ARHGEF10: variants seen among roughly 807,000 people sequenced by gnomAD.
The protein encoded by ARHGEF10 is Rho guanine nucleotide exchange factor 10.
A neutral mutation model predicts 147.4 loss-of-function variants in ARHGEF10; 140 were observed. The observed-to-expected ratio is 0.95, with a 90% CI of 0.83 to 1.09. The LOEUF (loss-of-function observed/expected upper bound fraction) is 1.09, where lower values mean the gene tolerates loss of function less well. ARHGEF10 is among the 50% of genes least tolerant of loss of function. ARHGEF10 has a pLI of 0.00. For missense variants in ARHGEF10, 2,222 were observed against 1,752.7 expected, an observed-to-expected ratio of 1.27 and a Z score of -4.78; for synonymous variants, 902 against 695.8, an observed-to-expected ratio of 1.30 and a Z score of -4.67.
chr8:1,930,717 T>A (rs577933573), intron 25 of ARHGEF10, among the ~76,000 whole-genome samples: 38 of 152,346 alleles, frequency 2.5e-4, no homozygotes, highest in Admixed American at 2.5e-3. Context: ...CACCTCCTCC[T>A]TGGGGAGGCT....
Position 1,896,361 on chromosome 8 carries a change from A to G in ARHGEF10, c.1469A>G (p.Tyr490Cys). ...TCTAAGTCCATGGTGCTGGATGCAT[A>G]CAGTGAATATGTGAACAATTTCAGC... Reference protein sequence around the residue: ...SFSKSMVLDAYSEYVNNFSTA... With the variant: ...SFSKSMVLDACSEYVNNFSTA... The change falls in exon 14 of 29, where the codon TAC (tyrosine) becomes TGC (cysteine). Residue 490 changes from tyrosine to cysteine, a missense_variant. By Grantham distance (194) the Tyr-to-Cys change is radical (BLOSUM62 -2). Transcript: ENST00000349830. The G allele has an allele frequency of 6.2e-7, 1 of 1,614,024 alleles. No individual in the cohort carries two copies. Among genetic ancestry groups the G allele is most frequent in the Non-Finnish European group, 8.5e-7 (1 of 1,179,970 alleles).
chr8:1,935,832 G>A (rs773885727), intron 26 of ARHGEF10, among the ~76,000 whole-genome samples: 12 of 152,250 alleles, frequency 7.9e-5, no homozygotes, highest in Non-Finnish European at 1.5e-4. Context: ...GGCAGCGGGA[G>A]GAGGCCCAAA....
At chr8:1,862,452 C>T (rs1806210377) in intron 4 of ARHGEF10, among the ~76,000 whole-genome samples, 1 of 152,262 alleles carries the variant, frequency 6.6e-6, no homozygotes, top group Non-Finnish European at 1.5e-5. Context: ...GGCCAGAAGC[C>T]TCTGGGTGCG....
At chr8:1,953,220 G>GGGATCC (rs1563335838) in intron 28 of ARHGEF10, among the ~76,000 whole-genome samples, 1 of 136,708 alleles carries the variant, frequency 7.3e-6, no homozygotes, top group African/African-American at 3.0e-5. Flanking sequence ...AAGGAAGCCG[G>GGGATCC]GATCTCCGTC....
chr8:1,857,875 G>A (rs200832839), intron 2 of ARHGEF10, 85 bp from the exon 3 acceptor site: 17 of 918,448 alleles, frequency 1.9e-5, no homozygotes, highest in Admixed American at 4.7e-5. Flanking sequence ...AACATAGATC[G>A]ATCGATCTAT....
chr8:1,933,627 A>T (rs542178979), intron 25 of ARHGEF10, among the ~76,000 whole-genome samples, 173 bp from the exon 26 acceptor site: 1 of 152,214 alleles, frequency 6.6e-6, no homozygotes, highest in South Asian at 2.1e-4. Context: ...CCATGGCCCA[A>T]CTGGGGTGGG....
chr8:1,863,428 G>T (rs1034560613), intron 4 of ARHGEF10, among the ~76,000 whole-genome samples: 7 of 152,240 alleles, frequency 4.6e-5, no homozygotes, highest in Non-Finnish European at 8.8e-5. Context: ...TTTGAAAACG[G>T]TTGAGAACTG....
intron 2 of ARHGEF10, among the ~76,000 whole-genome samples, chr8:1,848,133 A>T (rs1245794491): frequency 6.6e-6 from 1 of 152,196 alleles, no homozygotes; most frequent in Non-Finnish European, 1.5e-5. Context: ...AGAAAACAGA[A>T]AATTGAAGTG....
At chr8:1,832,376 ACAGAGG>A (rs1052204763) in intron 1 of ARHGEF10, among the ~76,000 whole-genome samples, 12 of 47,546 alleles carry the variant, frequency 2.5e-4, no homozygotes, top group South Asian at 2.1e-3. Context: ...AGAGACAGAG[ACAGAGG>A]CAGAGGCAGA....
chr8:1,873,424 A>C (rs73180726), intron 7 of ARHGEF10, among the ~76,000 whole-genome samples: 2 of 117,334 alleles, frequency 1.7e-5, no homozygotes, highest in South Asian at 2.4e-4. Flanking sequence ...ATCAAGTTGC[A>C]TTGAGAGGAG....
At chr8:1,946,879 C>T (rs752710873) in intron 27 of ARHGEF10, among the ~76,000 whole-genome samples, 2 of 152,156 alleles carry the variant, frequency 1.3e-5, no homozygotes, top group South Asian at 2.1e-4. Flanking sequence ...TGAATATATT[C>T]GGTGCACGGT....
chr8:1,925,291 A>G lies in ARHGEF10; in HGVS notation c.2497A>G (p.Asn833Asp). 6.2e-7 allele frequency: 1 copy of G among 1,614,160 alleles called. No individual in the cohort carries two copies. The highest frequency in any genetic ancestry group is 8.5e-7 in the Non-Finnish European group (1 of 1,180,016). Residue 833 changes from asparagine to aspartate, a missense_variant, in exon 22 of 29, where the codon AAC (asparagine) becomes GAC (aspartate). Asn to Asp is a conservative substitution (Grantham distance 23, BLOSUM62 1). Transcript: ENST00000349830. ...TCTGAATATAATTGCAGAAGAGGAG[A>G]ACCACATGGGCTGGTTCTGTGTGGA... ...QMAKLALEEE[N>D]HMGWFCVEDD...
chr8:1,913,731 C>T (rs957517831), intron 18 of ARHGEF10, among the ~76,000 whole-genome samples: 15 of 152,210 alleles, frequency 9.9e-5, no homozygotes, highest in Non-Finnish European at 7.3e-5. Context: ...CCACTCAGAC[C>T]GCCCTGCTCT....
chr8:1,858,358 G>C (rs1021796474), intron 3 of ARHGEF10, among the ~76,000 whole-genome samples: 1 of 152,150 alleles, frequency 6.6e-6, no homozygotes, highest in African/African-American at 2.4e-5. Context: ...GGCCCAATTG[G>C]AACATTGTAG....
intron 2 of ARHGEF10, among the ~76,000 whole-genome samples, chr8:1,845,820 T>C (rs1160721499): frequency 6.6e-6 from 1 of 152,136 alleles, no homozygotes; most frequent in African/African-American, 2.4e-5. Flanking sequence ...GACTCCACTT[T>C]GTGTGTAGTT....
intron 6 of ARHGEF10, 112 bp downstream of exon 6, chr8:1,866,714 G>T (rs1368564676): frequency 9.6e-7 from 1 of 1,045,048 alleles, no homozygotes; most frequent in Non-Finnish European, 1.5e-6. Flanking sequence ...ACTCTAAAAA[G>T]ATGTTTATTT....
intron 2 of ARHGEF10, among the ~76,000 whole-genome samples, chr8:1,846,857 G>A (rs976301318): frequency 2.0e-5 from 3 of 152,216 alleles, no homozygotes; most frequent in Non-Finnish European, 2.9e-5. Context: ...GATGACAGGC[G>A]TGAGCCACCA....
intron 3 of ARHGEF10, chr8:1,858,895 C>T (rs1011509927): frequency 1.1e-4 from 19 of 177,976 alleles, no homozygotes; most frequent in African/African-American, 3.4e-4. Flanking sequence ...ACCAGCCTCT[C>T]GGTTGTTTGC....
At chr8:1,907,139 T>C (rs542372737) in intron 17 of ARHGEF10, among the ~76,000 whole-genome samples, 30 of 152,146 alleles carry the variant, frequency 2.0e-4, no homozygotes, top group Non-Finnish European at 4.1e-4. Flanking sequence ...AGAGGATGCT[T>C]AGAATTGCGA....
Sources: allele counts gnomAD v4.1 joint callset (sites outside exome capture counted in the v4.1 genomes callset), GRCh38; gene constraint gnomAD v4.1.1; transcripts MANE v1.5; gene names NCBI Gene and HGNC (gene_info 2026-07-23, HGNC 2026-07-21).